CLASP2: variants seen among roughly 807,000 people sequenced by gnomAD.
The protein encoded by CLASP2 is CLIP-associating protein 2.
A neutral mutation model predicts 194.4 loss-of-function variants in CLASP2; 47 were observed. The ratio of observed to expected loss-of-function variants is 0.24; its 90% CI spans 0.19 to 0.31. The LOEUF (loss-of-function observed/expected upper bound fraction) is 0.31. Among genes scored for constraint, CLASP2 ranks in the 10% least tolerant of loss-of-function variants. The probability of loss-of-function intolerance (pLI) is 1.00; values close to 1 mark genes in which losing one functional copy is unlikely to be tolerated. For synonymous variants in CLASP2, 619 were observed against 633.5 expected, an observed-to-expected ratio of 0.98 and a Z score of 0.34; for missense variants, 1,445 against 1,823.6, an observed-to-expected ratio of 0.79 and a Z score of 3.78.
chr3:33,567,067 T>C (rs1454341614), intron 26 of CLASP2, among the ~76,000 whole-genome samples: 7 of 152,174 alleles, frequency 4.6e-5, no homozygotes, highest in Admixed American at 2.0e-4. Context: ...CCAAGAATAA[T>C]AGACACATAC....
At chr3:33,676,115 G>A (rs1454072658) in intron 6 of CLASP2, among the ~76,000 whole-genome samples, 16 of 151,990 alleles carry the variant, frequency 1.1e-4, no homozygotes, top group Middle Eastern at 6.8e-3. Context: ...AAAAGAGCCC[G>A]CATTGCCAAG....
chr3:33,560,928 A>G lies in CLASP2; in HGVS notation c.2810T>C (p.Val937Ala). Residue 937 changes from valine to alanine, a missense_variant, in exon 28 of 39, where the codon GTC (valine) becomes GCC (alanine). Around this residue, in one of 4 missense-constraint regions of CLASP2, gnomAD observed 732 missense variants for 987.9 expected, o/e 0.74. Coordinates refer to ENST00000682230, the MANE Select transcript of CLASP2 (RefSeq NM_001365631.1). ...FLETLVDFIQ[V>A]HKDDLQDWLF... Reference sequence around the variant, plus strand: ...CCAATCTTGAAGATCATCTTTGTGGACTTGTATGAAATCCACTAGAGTCTC... The same window carrying G: ...CCAATCTTGAAGATCATCTTTGTGGGCTTGTATGAAATCCACTAGAGTCTC... The G allele has an allele frequency of 6.2e-7, 1 of 1,613,896 alleles. No individual in the cohort carries two copies. The highest frequency in any genetic ancestry group is 8.5e-7 in the Non-Finnish European group (1 of 1,179,840).
intron 1 of CLASP2, among the ~76,000 whole-genome samples, chr3:33,709,105 C>T (rs896010500): frequency 9.2e-5 from 14 of 152,102 alleles, no homozygotes; most frequent in Non-Finnish European, 2.1e-4. Flanking sequence ...ACTTTGTAGT[C>T]TGATGTAGTT....
chr3:33,636,706 T>G (rs2080212730), intron 8 of CLASP2, among the ~76,000 whole-genome samples: 2 of 152,212 alleles, frequency 1.3e-5, no homozygotes, highest in Non-Finnish European at 2.9e-5. Flanking sequence ...GTTCAAGCGA[T>G]TCTCCTGCCT....
At chr3:33,716,237 G>A (rs1433137479) in intron 1 of CLASP2, among the ~76,000 whole-genome samples, 1 of 152,188 alleles carries the variant, frequency 6.6e-6, no homozygotes, top group Non-Finnish European at 1.5e-5. Context: ...ACATTATCTA[G>A]TGAGGAGCAT....
intron 4 of CLASP2, 104 bp downstream of exon 4, chr3:33,688,173 T>C: frequency 1.3e-6 from 1 of 760,844 alleles, no homozygotes; most frequent in Non-Finnish European, 2.0e-6. Flanking sequence ...GCTTTAATAA[T>C]TTTAAATGTG....
chr3:33,579,885 T>A (rs936367871), intron 23 of CLASP2, among the ~76,000 whole-genome samples: 1 of 152,136 alleles, frequency 6.6e-6, no homozygotes, highest in African/African-American at 2.4e-5. Context: ...CTCCTGAAAG[T>A]AGGATGATTA....
At chr3:33,577,266 T>C in intron 23 of CLASP2, 3 of 1,597,790 alleles carry the variant, frequency 1.9e-6, no homozygotes, top group Non-Finnish European at 1.7e-6. Flanking sequence ...GTCTGGAGGC[T>C]GGAATAACAG....
At position 33,497,462 on chromosome 3, in the gene CLASP2, C is replaced by A. The variant is rs1179510186; in HGVS notation, c.*1169G>T. 1 of 152,508 alleles carries A rather than the reference C, an allele frequency of 6.6e-6. No individual in the cohort carries two copies. The highest frequency in any genetic ancestry group is 2.4e-5 in the African/African-American group (1 of 41,426). 9.4% of individuals were successfully genotyped at this position (152,508 alleles called of 1,614,324 possible). ...AGCAAGAGGTGATTAAAAAAATTTG[C>A]TAAAAAGTAACAGAAAATCACCCTT... On this transcript the variant is annotated 3_prime_UTR_variant, in exon 39 of 39. Coordinates refer to ENST00000682230, the MANE Select transcript of CLASP2 (RefSeq NM_001365631.1).
rs755473714 is a variant in CLASP2, at chr3:33,612,084, T to A, written c.1318-13A>T. On this transcript the variant is annotated splice_polypyrimidine_tract_variant and intron_variant, in intron 12 of 38. Transcript: ENST00000682230. ...GTACATGAGTATGCTGAAAAAGATGTTTTAGAAAAGGTTGAAAATACTACA... is the reference window on the plus strand; with the variant it reads ...GTACATGAGTATGCTGAAAAAGATGATTTAGAAAAGGTTGAAAATACTACA... 143 of 1,571,672 alleles carry A rather than the reference T, an allele frequency of 9.1e-5. No homozygotes were observed. Among genetic ancestry groups the A allele is most frequent in the East Asian group, 2.9e-4 (13 of 44,562 alleles).
At chr3:33,610,888 G>T (rs2075037568) in intron 13 of CLASP2, among the ~76,000 whole-genome samples, 1 of 152,154 alleles carries the variant, frequency 6.6e-6, no homozygotes, top group Non-Finnish European at 1.5e-5. Flanking sequence ...TCCTAACACA[G>T]TATTTAATTA....
Position 33,717,976 on chromosome 3 carries a change from G to A in CLASP2, c.27C>T (p.Phe9=), listed in dbSNP as rs777928603. The change falls in exon 1 of 39, where the codon TTC becomes TTT. Residue 9 remains phenylalanine, a synonymous_variant. Coordinates refer to ENST00000682230, the MANE Select transcript of CLASP2 (RefSeq NM_001365631.1). MEPRSMEY[F]CAQVQQKDVG... Reference sequence around the variant, plus strand: ...CGTCCTTCTGCTGCACCTGGGCGCAGAAGTACTCCATGCTGCGGGGCTCCA... The same window carrying A: ...CGTCCTTCTGCTGCACCTGGGCGCAAAAGTACTCCATGCTGCGGGGCTCCA... 9 of 1,538,014 alleles carry A rather than the reference G, an allele frequency of 5.9e-6. No homozygotes were observed. In the Admixed American group the frequency reaches 1.8e-4, roughly 31 times the overall value.
chr3:33,592,442 G>A lies in CLASP2; in HGVS notation c.2021C>T (p.Ala674Val). The change falls in exon 21 of 39, where the codon GCA becomes GTA. Residue 674 changes from alanine (A) to valine (V), a missense_variant. Transcript: ENST00000682230. ...TGTTCGACTTCTTCCTCTAGAATCT[G>A]CCTTGGCATTTCCCATGCCAGCAAG... is the stretch of plus-strand genomic sequence containing the variant. ...APLAGMGNAK[A>V]DSRGRSRTKM... is the part of the protein sequence containing the mutation. The A allele has an allele frequency of 6.2e-7, 1 of 1,613,808 alleles. No homozygotes were observed. Among genetic ancestry groups the A allele is most frequent in the Non-Finnish European group, 8.5e-7 (1 of 1,179,822 alleles).
At chr3:33,535,575 T>C in intron 33 of CLASP2, 114 bp from the exon 34 acceptor site, 1 of 812,628 alleles carries the variant, frequency 1.2e-6, no homozygotes, top group South Asian at 1.9e-5. Flanking sequence ...AAGATAACAA[T>C]AACCAGCTAA....
At chr3:33,661,396 A>G (rs986252623) in intron 7 of CLASP2, among the ~76,000 whole-genome samples, 14 of 152,246 alleles carry the variant, frequency 9.2e-5, no homozygotes, top group Non-Finnish European at 1.6e-4. Context: ...AACATGGAAC[A>G]GAAGTCTACA....
intron 8 of CLASP2, 73 bp downstream of exon 8, chr3:33,644,684 G>C (rs2081980003): frequency 6.6e-7 from 1 of 1,516,254 alleles, no homozygotes; most frequent in African/African-American, 1.4e-5. Flanking sequence ...ATATTCCTCT[G>C]AAGTTCCAAG....
chr3:33,501,321 C>T (rs2046803022), intron 38 of CLASP2, among the ~76,000 whole-genome samples: 3 of 152,152 alleles, frequency 2.0e-5, no homozygotes, highest in South Asian at 4.2e-4. Context: ...TCTATTTATT[C>T]TTAATAAAAC....
intron 34 of CLASP2, among the ~76,000 whole-genome samples, chr3:33,520,679 A>C (rs1575791208): frequency 6.6e-6 from 1 of 152,222 alleles, no homozygotes; most frequent in East Asian, 1.9e-4. Context: ...ATTGGTAAAC[A>C]TATTAAAGAT....
At chr3:33,561,996 C>T (rs12152536) in intron 27 of CLASP2, among the ~76,000 whole-genome samples, 33 of 152,054 alleles carry the variant, frequency 2.2e-4, no homozygotes, top group African/African-American at 7.5e-4. Flanking sequence ...GCTCTCAATG[C>T]ATATTTTATT....
Sources: allele counts gnomAD v4.1 joint callset (sites outside exome capture counted in the v4.1 genomes callset), GRCh38; gene constraint gnomAD v4.1.1; regional missense constraint gnomAD v4.1.1; transcripts MANE v1.5; gene names NCBI Gene and HGNC (gene_info 2026-07-23, HGNC 2026-07-21).